The following MOB3B variants were observed in gnomAD, a reference collection of about 807,000 sequenced individuals.
MOB3B encodes MOB kinase activator-like 2B.
A neutral mutation model predicts 18.7 loss-of-function variants in MOB3B; 7 were observed. That is an observed-to-expected ratio of 0.37 (90% CI 0.21 to 0.70). The LOEUF (loss-of-function observed/expected upper bound fraction) is 0.70. MOB3B is among the 30% of genes least tolerant of loss of function. The pLI, the probability that MOB3B is intolerant of heterozygous loss-of-function variation, is 0.52. For synonymous variants in MOB3B, 111 were observed against 99.9 expected, an observed-to-expected ratio of 1.11 and a Z score of -0.66; for missense variants, 253 against 281.3, an observed-to-expected ratio of 0.90 and a Z score of 0.72.
intron 2 of MOB3B, among the ~76,000 whole-genome samples, chr9:27,374,425 T>C (rs999904490): frequency 7.9e-5 from 12 of 152,156 alleles, no homozygotes; most frequent in African/African-American, 2.9e-4. Flanking sequence ...CAATGGTTAG[T>C]CATGGAGTTT....
intron 1 of MOB3B, among the ~76,000 whole-genome samples, chr9:27,501,708 A>G (rs192389762): frequency 1.1e-3 from 168 of 151,232 alleles, no homozygotes; most frequent in Admixed American, 2.8e-3. Flanking sequence ...TGTAGGTTGC[A>G]GTGAGCCAAG....
At chr9:27,346,912 C>A (rs1821037770) in intron 3 of MOB3B, among the ~76,000 whole-genome samples, 1 of 152,138 alleles carries the variant, frequency 6.6e-6, no homozygotes. Flanking sequence ...GGGAGAATTG[C>A]TTGAACCCAG....
intron 1 of MOB3B, among the ~76,000 whole-genome samples, chr9:27,468,013 T>C (rs916642943): frequency 3.3e-5 from 5 of 152,198 alleles, no homozygotes; most frequent in African/African-American, 1.2e-4. Flanking sequence ...TTGTGCAGAG[T>C]GGCTTGGCTA....
At chr9:27,451,207 T>G (rs1227229918) in intron 2 of MOB3B, among the ~76,000 whole-genome samples, 1 of 152,190 alleles carries the variant, frequency 6.6e-6, no homozygotes, top group Non-Finnish European at 1.5e-5. Context: ...AATAGAATTT[T>G]TTTTTAAGTC....
chr9:27,353,868 A>T (rs555063355), intron 3 of MOB3B, among the ~76,000 whole-genome samples: 1 of 152,242 alleles, frequency 6.6e-6, no homozygotes, highest in South Asian at 2.1e-4. Flanking sequence ...CTGGCAGCCA[A>T]GGGCCAACAG....
At chr9:27,355,654 G>A (rs1200325524) in intron 3 of MOB3B, among the ~76,000 whole-genome samples, 4 of 151,306 alleles carry the variant, frequency 2.6e-5, no homozygotes, top group African/African-American at 9.7e-5. Context: ...CTGCCTCCCG[G>A]GTTCACGCCA....
chr9:27,516,090 C>G (rs944615167), intron 1 of MOB3B, among the ~76,000 whole-genome samples: 3 of 152,170 alleles, frequency 2.0e-5, no homozygotes, highest in Admixed American at 2.0e-4. Flanking sequence ...ACACTAAGTA[C>G]TACCAGCAAG....
intron 1 of MOB3B, among the ~76,000 whole-genome samples, chr9:27,502,230 T>TTA (rs1246077446): frequency 6.6e-6 from 1 of 152,186 alleles, no homozygotes; most frequent in Non-Finnish European, 1.5e-5. Context: ...ACAGCAATCT[T>TTA]TATATCCTCA....
chr9:27,526,688 G>T (rs1820443039), intron 1 of MOB3B, among the ~76,000 whole-genome samples: 1 of 152,072 alleles, frequency 6.6e-6, no homozygotes, highest in Non-Finnish European at 1.5e-5. Flanking sequence ...CTAATCAAAA[G>T]AAAAAGGATA....
rs1187401903 is a variant in MOB3B, at chr9:27,455,304, T to G, written c.247A>C (p.Thr83Pro). ...GACATCACAGGACAGGTCCGCTCGG[T>G]GCAGAACTCACAGATGGTGCCATAG... Reference protein sequence around the residue: ...LIYGTICEFCTERTCPVMSGG... With the variant: ...LIYGTICEFCPERTCPVMSGG... The change falls in exon 2 of 4, where the codon ACC becomes CCC. Residue 83 changes from threonine to proline, a missense_variant. Coordinates refer to ENST00000262244, the MANE Select transcript of MOB3B (RefSeq NM_024761.5). 6.2e-7 allele frequency: 1 copy of G among 1,614,078 alleles called. No homozygotes were observed. The highest frequency in any genetic ancestry group is 1.7e-5 in the Admixed American group (1 of 60,004).
chr9:27,493,807 T>A (rs1819857811), intron 1 of MOB3B, among the ~76,000 whole-genome samples: 1 of 152,210 alleles, frequency 6.6e-6, no homozygotes, highest in African/African-American at 2.4e-5. Context: ...ACAGCATGTG[T>A]GTTTGAGCAA....
chr9:27,375,759 A>G (rs1289337467), intron 2 of MOB3B, among the ~76,000 whole-genome samples: 1 of 152,168 alleles, frequency 6.6e-6, no homozygotes, highest in Non-Finnish European at 1.5e-5. Context: ...GGTTCCTATG[A>G]TGATTCTCAC....
intron 2 of MOB3B, chr9:27,378,296 T>A (rs1192970223): frequency 2.2e-6 from 1 of 463,858 alleles, no homozygotes; most frequent in Non-Finnish European, 4.5e-6. Context: ...GGGGAGGGAA[T>A]GAGGTCATAA....
chr9:27,351,187 G>A (rs780733073), intron 3 of MOB3B, among the ~76,000 whole-genome samples: 8 of 152,182 alleles, frequency 5.3e-5, no homozygotes, highest in Non-Finnish European at 8.8e-5. Flanking sequence ...ACAGGCGTGA[G>A]CCACCACGCC....
At chr9:27,512,772 CT>C (rs1820166020) in intron 1 of MOB3B, among the ~76,000 whole-genome samples, 1 of 152,144 alleles carries the variant, frequency 6.6e-6, no homozygotes, top group African/African-American at 2.4e-5. Flanking sequence ...ATTAGGATCA[CT>C]TTTTTTCACT....
chr9:27,336,785 C>T (rs182595651), intron 3 of MOB3B, among the ~76,000 whole-genome samples: 4 of 152,180 alleles, frequency 2.6e-5, no homozygotes, highest in Middle Eastern at 3.4e-3. Flanking sequence ...TATACTCATG[C>T]GTACACACCC....
intron 1 of MOB3B, among the ~76,000 whole-genome samples, chr9:27,479,327 A>C (rs925268276): frequency 6.6e-6 from 1 of 152,184 alleles, no homozygotes; most frequent in Non-Finnish European, 1.5e-5. Context: ...TCCCATGATA[A>C]TGGCATTAAT....
intron 3 of MOB3B, among the ~76,000 whole-genome samples, chr9:27,332,127 G>A (rs1321849242): frequency 6.6e-6 from 1 of 152,094 alleles, no homozygotes; most frequent in African/African-American, 2.4e-5. Context: ...TGAGTAGCTG[G>A]GACTATAGGC....
intron 2 of MOB3B, among the ~76,000 whole-genome samples, chr9:27,391,146 A>G (rs1821721922): frequency 6.6e-6 from 1 of 152,016 alleles, no homozygotes; most frequent in Non-Finnish European, 1.5e-5. Flanking sequence ...ACTCACACCT[A>G]CTCTTTTCTG....
Sources: allele counts gnomAD v4.1 joint callset (sites outside exome capture counted in the v4.1 genomes callset), GRCh38; gene constraint gnomAD v4.1.1; transcripts MANE v1.5; gene names NCBI Gene and HGNC (gene_info 2026-07-23, HGNC 2026-07-21).